Variants in HMCN1 observed in about 807,000 individuals in gnomAD.
HMCN1 encodes the protein hemicentin 1, also known as hemicentin-1.
In HMCN1, 321 loss-of-function variants were observed where a neutral mutation model predicts 625.9. The observed-to-expected ratio is 0.51, with a 90% CI of 0.47 to 0.56. The LOEUF (loss-of-function observed/expected upper bound fraction) is 0.56. Ranked by LOEUF, HMCN1 falls within the 20% of genes least tolerant of loss-of-function variation. The probability of loss-of-function intolerance (pLI) is 0.00; values close to 1 mark genes in which losing one functional copy is unlikely to be tolerated. For synonymous variants in HMCN1, 2,425 were observed against 2,417.6 expected, an observed-to-expected ratio of 1.00 and a Z score of -0.09; for missense variants, 6,588 against 6,887.3, an observed-to-expected ratio of 0.96 and a Z score of 1.54.
intron 11 of HMCN1, among the ~76,000 whole-genome samples, chr1:185,954,690 A>T (rs1290158320): frequency 6.6e-6 from 1 of 152,172 alleles, no homozygotes; most frequent in Non-Finnish European, 1.5e-5. Context: ...TGATTTGTTA[A>T]TTGCTTCTTG....
At chr1:186,113,137 A>C (rs567667676) in intron 72 of HMCN1, among the ~76,000 whole-genome samples, 184 bp downstream of exon 72, 1 of 152,244 alleles carries the variant, frequency 6.6e-6, no homozygotes, top group Non-Finnish European at 1.5e-5. Flanking sequence ...TCCAAAAAAC[A>C]TAACTAGAGA....
chr1:185,809,180 A>G (rs1659358054), intron 1 of HMCN1, among the ~76,000 whole-genome samples: 1 of 152,116 alleles, frequency 6.6e-6, no homozygotes, highest in Non-Finnish European at 1.5e-5. Context: ...TCACCATAGT[A>G]AAAACCCCAT....
intron 74 of HMCN1, 100 bp downstream of exon 74, chr1:186,115,046 T>A (rs1199773851): frequency 1.3e-6 from 2 of 1,542,776 alleles, no homozygotes; most frequent in Non-Finnish European, 1.8e-6. Flanking sequence ...GAAGGCTAGT[T>A]AAGCAATTTA....
chr1:186,117,876 C>T (rs1661211954), intron 77 of HMCN1, among the ~76,000 whole-genome samples: 1 of 152,116 alleles, frequency 6.6e-6, no homozygotes, highest in Admixed American at 6.6e-5. Context: ...AACATGATCA[C>T]CGGTATTTAT....
intron 16 of HMCN1, 96 bp from the exon 17 acceptor site, chr1:185,980,882 T>C: frequency 1.2e-6 from 1 of 817,554 alleles, no homozygotes. Flanking sequence ...CAGAAGGCAG[T>C]GCACACTTTC....
At chr1:185,809,480 C>CAT (rs1189120013) in intron 1 of HMCN1, among the ~76,000 whole-genome samples, 2 of 151,502 alleles carry the variant, frequency 1.3e-5, no homozygotes, top group South Asian at 2.1e-4. Flanking sequence ...CATGTGATTA[C>CAT]ATATATATAT....
In HMCN1 at chr1:185,912,254, G is replaced by A. The variant is rs181469139; in HGVS notation, c.900+474G>A. On this transcript the variant is annotated intron_variant, in intron 6 of 106. Transcript: ENST00000271588. ...GATAGTCACTGTCCTTTACTTTACA[G>A]AATTGGGCTGAGAATTAAATTAATA... 3.9e-5 allele frequency among the ~76,000 whole-genome samples: 6 copies of A among 152,236 alleles called. No individual in the cohort carries two copies. The East Asian group carries it at 1.2e-3, about 29-fold the overall frequency.
chr1:185,882,353 T>G (rs533892419), intron 4 of HMCN1, among the ~76,000 whole-genome samples: 8 of 151,792 alleles, frequency 5.3e-5, no homozygotes, highest in Non-Finnish European at 1.2e-4. Context: ...AATGAATGTT[T>G]TTTTTTTTTT....
rs990918825 is a variant in HMCN1 at position 186,088,871 on chromosome 1, C to A, written c.9727+116C>A. 3.4e-5 allele frequency: 33 copies of A among 977,002 alleles called. No homozygotes were observed. The African/African-American group carries it at 5.1e-4, about 15-fold the overall frequency. 60.5% of individuals were successfully genotyped at this position (977,002 alleles called of 1,614,324 possible). A position where few individuals can be genotyped will look rare whatever the true frequency, so the allele number is the denominator to read the frequency against. On this transcript the variant is annotated intron_variant, in intron 63 of 106. Coordinates refer to ENST00000271588, the MANE Select transcript of HMCN1 (RefSeq NM_031935.3). ...TTGATTCAACATATCTTTAGATCAT[C>A]AAAAACTATCATCAGTTTTCTGTCT...
intron 4 of HMCN1, among the ~76,000 whole-genome samples, chr1:185,891,916 G>C (rs1665117635): frequency 6.7e-6 from 1 of 148,628 alleles, no homozygotes; most frequent in Admixed American, 6.6e-5. Context: ...TTTCCAACTT[G>C]GTTCCATTCT....
intron 56 of HMCN1, 151 bp downstream of exon 56, chr1:186,081,545 C>A (rs1322659044): frequency 3.2e-6 from 2 of 623,404 alleles, no homozygotes; most frequent in Non-Finnish European, 5.4e-6. Context: ...TAATAAAATT[C>A]TTCTTCCTCA....
intron 4 of HMCN1, among the ~76,000 whole-genome samples, chr1:185,883,658 G>A (rs1664447069): frequency 6.6e-6 from 1 of 151,850 alleles, no homozygotes; most frequent in Non-Finnish European, 1.5e-5. Context: ...GTTGGATATT[G>A]GAATTGTTTC....
At chr1:186,115,532 A>C (rs1661094821) in intron 75 of HMCN1, 118 bp downstream of exon 75, 3 of 993,360 alleles carry the variant, frequency 3.0e-6, no homozygotes, top group Non-Finnish European at 4.6e-6. Context: ...GCTAGCATAT[A>C]GAGGGTTTTT....
rs1386015115 is a variant in HMCN1, at chr1:185,761,477, T to G, written c.268+26430T>G. On this transcript the variant is annotated intron_variant, in intron 1 of 106. Coordinates refer to ENST00000271588, the MANE Select transcript of HMCN1 (RefSeq NM_031935.3). ...ACCCTTTCCCCATGAGCCTGTTAACTTCGAGTGGTATTACAGTGGTATCTC... is the reference window on the plus strand; with the variant it reads ...ACCCTTTCCCCATGAGCCTGTTAACGTCGAGTGGTATTACAGTGGTATCTC... Among the ~76,000 whole-genome samples, 3 of 152,198 alleles carry G rather than the reference T, an allele frequency of 2.0e-5. No homozygotes were observed. In the East Asian group the frequency reaches 5.8e-4, roughly 29 times the overall value.
At chr1:185,990,983 C>T (rs947142240) in intron 22 of HMCN1, among the ~76,000 whole-genome samples, 1 of 152,202 alleles carries the variant, frequency 6.6e-6, no homozygotes, top group African/African-American at 2.4e-5. Context: ...TTCTCTCTTA[C>T]ACTTAAACTT....
At position 185,994,804 on chromosome 1, in the gene HMCN1, A is replaced by G; in HGVS notation, c.3506-11A>G. ...AAAGTTGGATTATTAATACCCAGTT[A>G]TTATTTCTAGTTCCTCCAAAGATAC... On this transcript the variant is annotated splice_polypyrimidine_tract_variant and intron_variant, in intron 23 of 106. Transcript: ENST00000271588. The G allele has an allele frequency of 6.2e-7, 1 of 1,612,584 alleles. No homozygotes were observed. The highest frequency in any genetic ancestry group is 1.3e-5 in the African/African-American group (1 of 74,994).
chr1:185,891,505 G>C (rs1261164621), intron 4 of HMCN1, among the ~76,000 whole-genome samples: 2 of 147,690 alleles, frequency 1.4e-5, no homozygotes, highest in Non-Finnish European at 2.9e-5. Context: ...GGGCAGGCCT[G>C]GTCGTGACAA....
At chr1:186,030,898 C>G (rs1558158639) in intron 36 of HMCN1, among the ~76,000 whole-genome samples, 1 of 151,672 alleles carries the variant, frequency 6.6e-6, no homozygotes, top group East Asian at 1.9e-4. Flanking sequence ...TTGGATATTT[C>G]AACAGTATAC....
intron 87 of HMCN1, 65 bp downstream of exon 87, chr1:186,137,002 A>G: frequency 6.4e-7 from 1 of 1,573,086 alleles, no homozygotes; most frequent in South Asian, 1.1e-5. Flanking sequence ...CATGGAAATT[A>G]TTAAGCACTT....
Sources: allele counts gnomAD v4.1 joint callset (sites outside exome capture counted in the v4.1 genomes callset), GRCh38; gene constraint gnomAD v4.1.1; transcripts MANE v1.5; gene names NCBI Gene and HGNC (gene_info 2026-07-23, HGNC 2026-07-21).